The following DOK5 variants were observed in gnomAD, a reference collection of about 807,000 sequenced individuals.
The protein encoded by DOK5 is downstream of tyrosine kinase 5.
A neutral mutation model predicts 43.3 loss-of-function variants in DOK5; 27 were observed. The observed-to-expected ratio is 0.62, with a 90% confidence interval of 0.46 to 0.86. DOK5 has a LOEUF of 0.86. DOK5 is among the 40% of genes least tolerant of loss of function. DOK5 has a pLI of 0.00. For synonymous variants in DOK5, 146 were observed against 140.1 expected, an observed-to-expected ratio of 1.04 and a Z score of -0.30; for missense variants, 373 against 392.9, an observed-to-expected ratio of 0.95 and a Z score of 0.43.
chr20:54,490,920 C>T (rs1422790727), intron 1 of DOK5, among the ~76,000 whole-genome samples: 2 of 152,174 alleles, frequency 1.3e-5, no homozygotes, highest in Non-Finnish European at 2.9e-5. Context: ...CTGGCTATAG[C>T]ATCTACTTTT....
chr20:54,644,660 A>C (rs1397643876), intron 7 of DOK5, among the ~76,000 whole-genome samples: 3 of 149,128 alleles, frequency 2.0e-5, no homozygotes, highest in African/African-American at 5.0e-5. Flanking sequence ...GAGCCGAGAT[A>C]GCGCCACTGC....
chr20:54,488,713 A>C, intron 1 of DOK5, among the ~76,000 whole-genome samples: 1 of 128,358 alleles, frequency 7.8e-6, no homozygotes, highest in Admixed American at 7.9e-5. Context: ...CCTCCCTTCC[A>C]TATATTATTT....
At chr20:54,531,332 C>T (rs939650305) in intron 1 of DOK5, among the ~76,000 whole-genome samples, 13 of 152,148 alleles carry the variant, frequency 8.5e-5, no homozygotes, top group African/African-American at 2.9e-4. Flanking sequence ...AAGACTAAAG[C>T]GTCAAGAACC....
chr20:54,590,270 A>G (rs1985937548), intron 4 of DOK5, among the ~76,000 whole-genome samples: 1 of 152,196 alleles, frequency 6.6e-6, no homozygotes, highest in South Asian at 2.1e-4. Flanking sequence ...TATAAATTCA[A>G]CTGTGTCCTC....
At chr20:54,476,099 C>A in intron 1 of DOK5, 87 bp downstream of exon 1, 2 of 1,578,704 alleles carry the variant, frequency 1.3e-6, no homozygotes, top group East Asian at 2.3e-5. Context: ...GACGGAGAGT[C>A]CCCGGCCGCG....
At chr20:54,515,557 A>G (rs536638314) in intron 1 of DOK5, among the ~76,000 whole-genome samples, 1 of 152,358 alleles carries the variant, frequency 6.6e-6, no homozygotes, top group African/African-American at 2.4e-5. Flanking sequence ...TTTCTTGTCT[A>G]CCACAGTACA....
chr20:54,631,162 A>G (rs557680317), intron 6 of DOK5, among the ~76,000 whole-genome samples: 1 of 152,306 alleles, frequency 6.6e-6, no homozygotes, highest in Non-Finnish European at 1.5e-5. Flanking sequence ...GAGAATACGT[A>G]CGCTATCCAA....
At chr20:54,613,881 C>T in intron 6 of DOK5, among the ~76,000 whole-genome samples, 1 of 151,930 alleles carries the variant, frequency 6.6e-6, no homozygotes, top group Non-Finnish European at 1.5e-5. Context: ...GTCCTCCCAG[C>T]TACTCAGGAG....
At chr20:54,546,311 A>C (rs1984342599) in intron 1 of DOK5, among the ~76,000 whole-genome samples, 1 of 152,214 alleles carries the variant, frequency 6.6e-6, no homozygotes, top group Non-Finnish European at 1.5e-5. Flanking sequence ...CTTGAGAAAA[A>C]TATTTGATTT....
chr20:54,615,786 T>C (rs1480318061), intron 6 of DOK5, among the ~76,000 whole-genome samples: 1 of 152,120 alleles, frequency 6.6e-6, no homozygotes, highest in Non-Finnish European at 1.5e-5. Flanking sequence ...GGCGTGTGCC[T>C]GTAGTCCCAG....
At chr20:54,583,085 A>G (rs1985690825) in intron 2 of DOK5, among the ~76,000 whole-genome samples, 1 of 152,022 alleles carries the variant, frequency 6.6e-6, no homozygotes, top group Non-Finnish European at 1.5e-5. Context: ...CATTCAGCTC[A>G]GGGTATTTTC....
At chr20:54,574,344 A>G (rs575201041) in intron 2 of DOK5, among the ~76,000 whole-genome samples, 46 of 152,162 alleles carry the variant, frequency 3.0e-4, no homozygotes, top group Non-Finnish European at 5.4e-4. Flanking sequence ...CCAGCTGGCT[A>G]TTTCTGCTGA....
intron 2 of DOK5, among the ~76,000 whole-genome samples, chr20:54,559,117 A>G (rs1568783285): frequency 6.6e-6 from 1 of 152,212 alleles, no homozygotes; most frequent in African/African-American, 2.4e-5. Context: ...CTTGTTAAAC[A>G]CTAGTTCCAT....
chr20:54,484,182 C>T (rs1038310695), intron 1 of DOK5, among the ~76,000 whole-genome samples: 34 of 151,960 alleles, frequency 2.2e-4, no homozygotes, highest in African/African-American at 8.2e-4. Context: ...AGTTCTAGAC[C>T]AGCCTGGCCA....
intron 1 of DOK5, among the ~76,000 whole-genome samples, chr20:54,528,372 G>A (rs541623859): frequency 6.6e-6 from 1 of 152,190 alleles, no homozygotes; most frequent in South Asian, 2.1e-4. Flanking sequence ...GTTAAAGTTA[G>A]TATCGTAGTT....
At chr20:54,561,448 C>G (rs1984902133) in intron 2 of DOK5, among the ~76,000 whole-genome samples, 1 of 152,180 alleles carries the variant, frequency 6.6e-6, no homozygotes, top group South Asian at 2.1e-4. Context: ...TTCTTTCCTA[C>G]TGATTCGAAA....
intron 1 of DOK5, among the ~76,000 whole-genome samples, chr20:54,517,042 C>T (rs912992472): frequency 3.9e-5 from 6 of 152,124 alleles, no homozygotes; most frequent in Admixed American, 3.3e-4. Context: ...TATAGTAATC[C>T]TTTCATTCCC....
chr20:54,539,923 G>GT (rs1375897872), intron 1 of DOK5, among the ~76,000 whole-genome samples: 1 of 152,248 alleles, frequency 6.6e-6, no homozygotes, highest in African/African-American at 2.4e-5. Flanking sequence ...AGTCAACCAC[G>GT]TGAAGTGCAG....
chr20:54,571,011 A>G (rs1289817896), intron 2 of DOK5, among the ~76,000 whole-genome samples: 1 of 152,224 alleles, frequency 6.6e-6, no homozygotes, highest in Non-Finnish European at 1.5e-5. Context: ...AGACATCTGG[A>G]GTATGGCTTT....
Sources: allele counts gnomAD v4.1 joint callset (sites outside exome capture counted in the v4.1 genomes callset), GRCh38; gene constraint gnomAD v4.1.1; transcripts MANE v1.5; gene names NCBI Gene and HGNC (gene_info 2026-07-23, HGNC 2026-07-21).